HHLA1: variants seen among roughly 807,000 people sequenced by gnomAD.
HHLA1 encodes the protein HHLA1 neighbor of OC90, also known as HERV-H LTR-associating protein 1.
In HHLA1, 72 loss-of-function variants were observed where a neutral mutation model predicts 69.9. The ratio of observed to expected loss-of-function variants is 1.03; its 90% CI spans 0.85 to 1.25. HHLA1 has a LOEUF of 1.25. Among genes scored for constraint, HHLA1 ranks in the 50% most tolerant of loss-of-function variants. The pLI is 0.00. For missense variants in HHLA1, 685 were observed against 642.2 expected (o/e 1.07, Z -0.72); for synonymous variants, 252 against 233.2 (o/e 1.08, Z -0.73).
At chr8:132,065,848 C>T (rs1823428272) in intron 16 of HHLA1, 38 bp downstream of exon 16, 1 of 1,041,472 alleles carries the variant, frequency 9.6e-7, no homozygotes, top group African/African-American at 1.7e-5. Context: ...GTAATGCATT[C>T]ACTGCAAAGT....
chr8:132,085,533 C>T (rs34597028), intron 10 of HHLA1: 15 of 296,350 alleles, frequency 5.1e-5, no homozygotes, highest in East Asian at 1.4e-4. Context: ...TCCCCCGATC[C>T]GAGTGACGGC....
intron 14 of HHLA1, among the ~76,000 whole-genome samples, chr8:132,073,325 A>G (rs1586724725): frequency 1.3e-5 from 2 of 152,144 alleles, no homozygotes; most frequent in Admixed American, 1.3e-4. Context: ...ATGTTAGCAG[A>G]AGACTTTTTA....
rs1406870321 is a variant in HHLA1 at position 132,101,303 on chromosome 8, G to A, written c.140-1169C>T. 3 of 1,548,738 alleles carry A rather than the reference G, an allele frequency of 1.9e-6. No homozygotes were observed. The South Asian group carries it at 3.6e-5, about 18-fold the overall frequency. On this transcript the variant is annotated intron_variant, in intron 3 of 16. Coordinates refer to ENST00000414222, the MANE Select transcript of HHLA1 (RefSeq NM_001145095.3). The stretch of plus-strand genomic sequence containing the variant: ...AATAAAAGTTTTCATGAATAAAATA[G>A]TAACCTGAAAGTACAGCCTCAAACA...
chr8:132,083,551 G>A lies in HHLA1; in HGVS notation c.677-3585C>T, dbSNP rs183861391. 2.1e-3 allele frequency among the ~76,000 whole-genome samples: 325 copies of A among 152,276 alleles called. 1 individual carries two copies. Among genetic ancestry groups the A allele is most frequent in the African/African-American group, 7.4e-3 (307 of 41,556 alleles). On this transcript the variant is annotated intron_variant, in intron 10 of 16. Coordinates refer to ENST00000414222, the MANE Select transcript of HHLA1 (RefSeq NM_001145095.3). ...GGAAGGAGTCAGTCAGAGAGCCTTG[G>A]GCCAGCGTTCCAAGGGCTCTGGGAG...
chr8:132,075,963 T>C (rs1823630904), intron 14 of HHLA1, 92 bp downstream of exon 14: 2 of 977,392 alleles, frequency 2.0e-6, no homozygotes, highest in African/African-American at 3.2e-5. Context: ...TCTGATTTTC[T>C]AAATTTACCG....
rs888731848 is a variant in HHLA1 at position 132,081,772 on chromosome 8, C to T, written c.677-1806G>A. 1.1e-4 allele frequency among the ~76,000 whole-genome samples: 17 copies of T among 152,106 alleles called. 1 individual carries two copies. Among genetic ancestry groups the T allele is most frequent in the Non-Finnish European group, 2.1e-4 (14 of 68,036 alleles). ...GCCAGTCCTGGGTGGCGCAAATCCT[C>T]GAGCTTCATGTGTACGGAAGGGAGG... On this transcript the variant is annotated intron_variant, in intron 10 of 16. Transcript: ENST00000414222.
intron 8 of HHLA1, 139 bp from the exon 9 acceptor site, chr8:132,088,040 A>G (rs1445339006): frequency 4.4e-6 from 3 of 678,326 alleles, no homozygotes; most frequent in African/African-American, 1.8e-5. Context: ...CTCTTAAGGC[A>G]GTCCTCATTT....
Position 132,098,936 on chromosome 8 carries a change from A to G in HHLA1, c.226T>C (p.Ser76Pro). The change falls in exon 5 of 17, where the codon TCC becomes CCC. Residue 76 changes from serine (S) to proline (P), a missense_variant. By Grantham distance (74) the Ser-to-Pro change is moderately conservative (BLOSUM62 -1). Transcript: ENST00000414222. ...TELPARSIDLSALNLTELVNG... is the reference protein window; with the variant it reads ...TELPARSIDLPALNLTELVNG... ...ACAAGCTCTGTCAGGTTAAGCGCGGACAGATCGATTGACCTTGCGGGCAGC... is the reference window on the plus strand; with the variant it reads ...ACAAGCTCTGTCAGGTTAAGCGCGGGCAGATCGATTGACCTTGCGGGCAGC... 1 of 1,551,102 alleles carries G rather than the reference A, an allele frequency of 6.4e-7. No homozygotes were observed. The highest frequency in any genetic ancestry group is 8.7e-7 in the Non-Finnish European group (1 of 1,146,532).
At chr8:132,076,377 G>A in intron 13 of HHLA1, 98 bp downstream of exon 13, 2 of 845,972 alleles carry the variant, frequency 2.4e-6, no homozygotes, top group Non-Finnish European at 3.7e-6. Flanking sequence ...TGCTTAGATT[G>A]CTTACTGGTA....
chr8:132,087,391 G>A (rs1298921523), intron 10 of HHLA1, among the ~76,000 whole-genome samples: 4 of 152,144 alleles, frequency 2.6e-5, no homozygotes, highest in East Asian at 3.8e-4. Context: ...AGAAGGAAAA[G>A]GTGCCCTTCC....
intron 3 of HHLA1, among the ~76,000 whole-genome samples, chr8:132,101,607 C>T (rs1469447784): frequency 6.9e-6 from 1 of 145,960 alleles, no homozygotes; most frequent in African/African-American, 2.5e-5. Flanking sequence ...GAGATGGAGT[C>T]TCACTCTGTT....
chr8:132,103,946 C>T (rs1181368855), intron 3 of HHLA1, 162 bp downstream of exon 3: 11 of 582,134 alleles, frequency 1.9e-5, no homozygotes, highest in African/African-American at 3.7e-5. Flanking sequence ...ATTCAATGAA[C>T]CATAAAGAAA....
At chr8:132,077,073 C>A (rs1286548495) in intron 12 of HHLA1, among the ~76,000 whole-genome samples, 2 of 152,082 alleles carry the variant, frequency 1.3e-5, no homozygotes, top group Non-Finnish European at 2.9e-5. Context: ...TCTGGCGAAA[C>A]CAGCAATACA....
At chr8:132,092,510 C>T (rs922901522) in intron 7 of HHLA1, among the ~76,000 whole-genome samples, 35 of 152,142 alleles carry the variant, frequency 2.3e-4, no homozygotes, top group Non-Finnish European at 3.2e-4. Context: ...GTTAGCACCA[C>T]GTCCTTGGTG....
intron 13 of HHLA1, 107 bp from the exon 14 acceptor site, chr8:132,076,236 T>A (rs1163303378): frequency 1.1e-6 from 1 of 892,830 alleles, no homozygotes. Flanking sequence ...TCTTGAAATC[T>A]ATAGGAAAAT....
At chr8:132,094,775 G>A (rs548796354) in intron 7 of HHLA1, among the ~76,000 whole-genome samples, 4 of 152,282 alleles carry the variant, frequency 2.6e-5, no homozygotes, top group African/African-American at 9.6e-5. Context: ...TATGTCCCAC[G>A]GGAGCAGGAG....
At chr8:132,082,535 C>G (rs1422511570) in intron 10 of HHLA1, among the ~76,000 whole-genome samples, 1 of 151,862 alleles carries the variant, frequency 6.6e-6, no homozygotes, top group African/African-American at 2.4e-5. Context: ...AGAATTATGC[C>G]GAGATAGGTA....
intron 12 of HHLA1, 33 bp from the exon 13 acceptor site, chr8:132,076,576 T>C: frequency 6.9e-7 from 1 of 1,440,286 alleles, no homozygotes; most frequent in Non-Finnish European, 9.3e-7. Context: ...TGAGCCTGCA[T>C]CTCTTCTAGG....
intron 1 of HHLA1, among the ~76,000 whole-genome samples, chr8:132,109,937 A>T (rs4641044): frequency 0.095 from 14,456 of 152,182 alleles, 957 homozygotes; most frequent in African/African-American, 0.16. Context: ...GTCACCCAAG[A>T]GTCTTGTGAA....
Sources: allele counts gnomAD v4.1 joint callset (sites outside exome capture counted in the v4.1 genomes callset), GRCh38; gene constraint gnomAD v4.1.1; transcripts MANE v1.5; gene names NCBI Gene and HGNC (gene_info 2026-07-23, HGNC 2026-07-21).